Variants in MAPKAP1 observed in about 807,000 individuals in gnomAD.
MAPKAP1 encodes target of rapamycin complex 2 subunit MAPKAP1.
In MAPKAP1, 20 loss-of-function variants were observed where a neutral mutation model predicts 65.7. That is an observed-to-expected ratio of 0.30 (90% CI 0.21 to 0.44). The LOEUF (loss-of-function observed/expected upper bound fraction) is 0.44, where lower values mean the gene tolerates loss of function less well. Ranked by LOEUF, MAPKAP1 falls within the 20% of genes least tolerant of loss-of-function variation. MAPKAP1 has a pLI of 1.00. For synonymous variants in MAPKAP1, 222 were observed against 244.3 expected, an observed-to-expected ratio of 0.91 and a Z score of 0.85; for missense variants, 423 against 648.0, an observed-to-expected ratio of 0.65 and a Z score of 3.77.
intron 7 of MAPKAP1, among the ~76,000 whole-genome samples, chr9:125,523,951 T>C (rs577226004): frequency 6.6e-6 from 1 of 152,382 alleles, no homozygotes; most frequent in African/African-American, 2.4e-5. Flanking sequence ...AGGGCTTCTC[T>C]CTGCCTGCCC....
intron 5 of MAPKAP1, 48 bp downstream of exon 5, chr9:125,585,507 G>A: frequency 6.3e-7 from 1 of 1,592,746 alleles, no homozygotes. Flanking sequence ...ACCTTGGGTG[G>A]CCAAAAGACC....
intron 4 of MAPKAP1, among the ~76,000 whole-genome samples, chr9:125,636,707 A>G (rs562253930): frequency 6.6e-6 from 1 of 152,370 alleles, no homozygotes; most frequent in Admixed American, 6.5e-5. Context: ...GCCAATGACT[A>G]TAGCAGCATT....
At chr9:125,510,339 A>C (rs140043526) in intron 7 of MAPKAP1, among the ~76,000 whole-genome samples, 1 of 152,360 alleles carries the variant, frequency 6.6e-6, no homozygotes, top group African/African-American at 2.4e-5. Flanking sequence ...GGATTCATCT[A>C]GAATCTGAAT....
intron 9 of MAPKAP1, among the ~76,000 whole-genome samples, chr9:125,479,567 C>T (rs1009789457): frequency 4.1e-5 from 6 of 146,182 alleles, no homozygotes; most frequent in South Asian, 4.3e-4. Context: ...GCAACAAGAG[C>T]GAAACTCCAT....
At chr9:125,495,864 A>C (rs986845626) in intron 8 of MAPKAP1, among the ~76,000 whole-genome samples, 1 of 152,214 alleles carries the variant, frequency 6.6e-6, no homozygotes, top group Non-Finnish European at 1.5e-5. Flanking sequence ...AGAGGGAAAG[A>C]AAACAGGAAT....
chr9:125,522,988 T>C (rs1589255703), intron 7 of MAPKAP1, among the ~76,000 whole-genome samples: 3 of 152,308 alleles, frequency 2.0e-5, no homozygotes, highest in African/African-American at 2.4e-5. Context: ...TCTCTCCTTC[T>C]GACCCCATGA....
chr9:125,607,601 A>C (rs977778045), intron 4 of MAPKAP1, among the ~76,000 whole-genome samples: 1 of 152,320 alleles, frequency 6.6e-6, no homozygotes, highest in Non-Finnish European at 1.5e-5. Flanking sequence ...CTTACTCATC[A>C]CTTAAAATTG....
At chr9:125,605,304 T>C (rs1346451666) in intron 4 of MAPKAP1, among the ~76,000 whole-genome samples, 1 of 152,224 alleles carries the variant, frequency 6.6e-6, no homozygotes, top group East Asian at 1.9e-4. Flanking sequence ...CCTGGCAGGT[T>C]ACACTTCAGT....
Position 125,491,251 on chromosome 9 carries a change from C to T in MAPKAP1, c.1067-6668G>A, listed in dbSNP as rs186430995. ...TTGAGTCTAGGAGTTTGAGACCACC[C>T]TGTGCAACACGGCAAAACTCTGACT... On this transcript the variant is annotated intron_variant, in intron 8 of 11. Coordinates refer to ENST00000265960, the MANE Select transcript of MAPKAP1 (RefSeq NM_001006617.3). Among the ~76,000 whole-genome samples the T allele has an allele frequency of 3.3e-4, 50 of 151,894 alleles. No homozygotes were observed. The South Asian group carries it at 4.6e-3, about 14-fold the overall frequency.
chr9:125,451,802 A>G (rs1402006842), intron 10 of MAPKAP1, among the ~76,000 whole-genome samples: 1 of 136,306 alleles, frequency 7.3e-6, no homozygotes, highest in African/African-American at 2.7e-5. Context: ...ACATCTACTC[A>G]CAGGAGTTTT....
intron 5 of MAPKAP1, among the ~76,000 whole-genome samples, chr9:125,574,954 C>G (rs1025167029): frequency 8.5e-5 from 13 of 152,300 alleles, no homozygotes; most frequent in African/African-American, 3.1e-4. Flanking sequence ...TAAAACCCAG[C>G]CTGTAGCTGT....
intron 7 of MAPKAP1, among the ~76,000 whole-genome samples, chr9:125,523,866 C>A (rs984480181): frequency 6.6e-6 from 1 of 152,180 alleles, no homozygotes; most frequent in Non-Finnish European, 1.5e-5. Flanking sequence ...TATGGCCCCC[C>A]ACTGCTGACT....
rs573985154 is a variant in MAPKAP1, at chr9:125,652,089, TC to T, written c.498+5561del. 3.2e-6 allele frequency: 4 copies of T among 1,252,050 alleles called. No homozygotes were observed. The South Asian group carries it at 5.6e-5, about 17-fold the overall frequency. The allele number at this position is 1,252,050 out of a possible 1,614,324, so 77.6% of individuals were successfully genotyped here. ...TGCCTTTTCCACTAAGGGCAATTTT[TC>T]TTTTTACGTGATTTCAATTCGCTGA... is the stretch of plus-strand genomic sequence containing the variant. On this transcript the variant is annotated intron_variant, in intron 4 of 11. Coordinates refer to ENST00000265960, the MANE Select transcript of MAPKAP1 (RefSeq NM_001006617.3).
chr9:125,487,717 T>A (rs1442825614), intron 8 of MAPKAP1, among the ~76,000 whole-genome samples: 1 of 152,272 alleles, frequency 6.6e-6, no homozygotes, highest in South Asian at 2.1e-4. Context: ...AATTTTTTAC[T>A]GAGCAATTTC....
At chr9:125,680,391 A>T (rs1006551486) in intron 1 of MAPKAP1, among the ~76,000 whole-genome samples, 1 of 152,186 alleles carries the variant, frequency 6.6e-6, no homozygotes, top group African/African-American at 2.4e-5. Flanking sequence ...AAATAATTGA[A>T]GTGACCATTA....
intron 10 of MAPKAP1, among the ~76,000 whole-genome samples, chr9:125,464,925 C>T (rs1460669080): frequency 2.0e-5 from 3 of 152,216 alleles, no homozygotes; most frequent in Non-Finnish European, 4.4e-5. Context: ...AAACTGGCCA[C>T]AGTCGAAGGT....
At chr9:125,589,498 C>A (rs1029905237) in intron 4 of MAPKAP1, among the ~76,000 whole-genome samples, 4 of 152,186 alleles carry the variant, frequency 2.6e-5, no homozygotes, top group Non-Finnish European at 4.4e-5. Context: ...GTAGTAGGAA[C>A]TGAGTAAATG....
At chr9:125,638,919 T>G (rs972360608) in intron 4 of MAPKAP1, among the ~76,000 whole-genome samples, 11 of 152,196 alleles carry the variant, frequency 7.2e-5, no homozygotes, top group African/African-American at 2.7e-4. Context: ...TGGCTGAGAA[T>G]TAACCTCACA....
At chr9:125,526,363 G>T (rs1322973415) in intron 7 of MAPKAP1, among the ~76,000 whole-genome samples, 1 of 152,174 alleles carries the variant, frequency 6.6e-6, no homozygotes, top group Non-Finnish European at 1.5e-5. Flanking sequence ...CTAATGTTAT[G>T]GAAAAGCAGC....
Sources: allele counts gnomAD v4.1 joint callset (sites outside exome capture counted in the v4.1 genomes callset), GRCh38; gene constraint gnomAD v4.1.1; transcripts MANE v1.5; gene names NCBI Gene and HGNC (gene_info 2026-07-23, HGNC 2026-07-21).